The following PROS1 variants were observed in gnomAD, a reference collection of about 807,000 sequenced individuals.
PROS1 encodes the protein protein S, also known as vitamin K-dependent protein S.
In PROS1, 29 loss-of-function variants were observed where a neutral mutation model predicts 75.9. The ratio of observed to expected loss-of-function variants is 0.38; its 90% CI spans 0.28 to 0.52. PROS1 has a LOEUF of 0.52. Ranked by LOEUF, PROS1 falls within the 20% of genes least tolerant of loss-of-function variation. The pLI is 0.83. For missense variants in PROS1, 680 were observed against 810.3 expected (o/e 0.84, Z 1.95); for synonymous variants, 245 against 280.6 (o/e 0.87, Z 1.27).
intron 1 of PROS1, among the ~76,000 whole-genome samples, chr3:93,956,806 G>T (rs1051760867): frequency 2.0e-5 from 3 of 152,020 alleles, no homozygotes; most frequent in Admixed American, 6.6e-5. Flanking sequence ...TACTATGCTT[G>T]CATTAACAAA....
rs1394545919 is a variant in PROS1 at position 93,873,120 on chromosome 3, T to C, written c.*1125A>G. The C allele has an allele frequency of 1.3e-5, 2 of 152,238 alleles. No homozygotes were observed. Among genetic ancestry groups the C allele is most frequent in the Non-Finnish European group, 2.9e-5 (2 of 68,046 alleles). 9.4% of individuals were successfully genotyped at this position (152,238 alleles called of 1,614,324 possible). On this transcript the variant is annotated 3_prime_UTR_variant, in exon 15 of 15. Coordinates refer to ENST00000394236, the MANE Select transcript of PROS1 (RefSeq NM_000313.4). ...GATATTCACATGCATTTTAAAATTA[T>C]ACACCGATTTATTATAAGTGATATA...
At position 93,878,696 on chromosome 3, in the gene PROS1, AACTT is replaced by A. The variant is rs1708227663; in HGVS notation, c.1644+463_1644+466del. Among the ~76,000 whole-genome samples, 4 of 152,320 alleles carry A rather than the reference AACTT, an allele frequency of 2.6e-5. 1 individual carries two copies. The South Asian group carries it at 8.3e-4, about 32-fold the overall frequency. Reference sequence around the variant, plus strand: ...GTTTTAACTTTCTCTCTTTTTTCCTAACTTACTCTTGGGAGAAAAGATTAAGAGT... The same window carrying A: ...GTTTTAACTTTCTCTCTTTTTTCCTAACTCTTGGGAGAAAAGATTAAGAGT... On this transcript the variant is annotated intron_variant, in intron 13 of 14. Transcript: ENST00000394236.
At chr3:93,903,356 T>A (rs749547641) in intron 6 of PROS1, among the ~76,000 whole-genome samples, 2 of 152,166 alleles carry the variant, frequency 1.3e-5, no homozygotes, top group South Asian at 2.1e-4. Context: ...TTAAATACTT[T>A]TTAATTTTTA....
chr3:93,973,416 A>C (rs1414884396), intron 1 of PROS1: 4 of 461,824 alleles, frequency 8.7e-6, no homozygotes, highest in Non-Finnish European at 1.6e-5. Context: ...TCATCCCTCC[A>C]TTGATACTTA....
intron 10 of PROS1, among the ~76,000 whole-genome samples, chr3:93,888,166 G>C (rs1363917593): frequency 1.3e-5 from 2 of 152,074 alleles, no homozygotes; most frequent in East Asian, 3.8e-4. Context: ...TGACAACTAA[G>C]GATAGATTGA....
chr3:93,961,575 G>A (rs565317685), intron 1 of PROS1, among the ~76,000 whole-genome samples: 2 of 152,176 alleles, frequency 1.3e-5, no homozygotes, highest in African/African-American at 4.8e-5. Flanking sequence ...GAGATTCTGA[G>A]CAACTTAACT....
Position 93,973,803 on chromosome 3 carries a change from G to C in PROS1, c.-54C>G, listed in dbSNP as rs1709930663. On this transcript the variant is annotated 5_prime_UTR_variant, in exon 1 of 15. Transcript: ENST00000394236. ...ACGGTGGCGCGTCGCGGCGGGGACC[G>C]GAGCGCTAGGCGCCGCGGAGCTGCG... 1.2e-5 allele frequency: 18 copies of C among 1,493,356 alleles called. No homozygotes were observed. The highest frequency in any genetic ancestry group is 7.1e-5 in the South Asian group (6 of 84,450). The allele number at this position is 1,493,356 out of a possible 1,614,324, so 92.5% of individuals were successfully genotyped here.
In PROS1 at chr3:93,893,759, T is replaced by C. The variant is rs1708464710; in HGVS notation, c.966-637A>G. Among the ~76,000 whole-genome samples the C allele has an allele frequency of 2.0e-5, 3 of 152,186 alleles. No individual in the cohort carries two copies. The South Asian group carries it at 6.2e-4, about 32-fold the overall frequency. The stretch of plus-strand genomic sequence containing the variant: ...AATTTAAAAACTTAAAATATATCTA[T>C]TAGCTTTCCTAAAACTCCAGTTGCA... On this transcript the variant is annotated intron_variant, in intron 9 of 14. Coordinates refer to ENST00000394236, the MANE Select transcript of PROS1 (RefSeq NM_000313.4).
intron 7 of PROS1, among the ~76,000 whole-genome samples, chr3:93,899,013 G>A (rs1232445066): frequency 6.6e-6 from 1 of 151,862 alleles, no homozygotes; most frequent in East Asian, 1.9e-4. Context: ...GGAAAGGAAA[G>A]TTAGGGAAGG....
chr3:93,874,470 A>G (rs1708154840), intron 14 of PROS1, 65 bp from the exon 15 acceptor site: 1 of 1,587,446 alleles, frequency 6.3e-7, no homozygotes, highest in South Asian at 1.1e-5. Context: ...TTACAGTGAG[A>G]GAAGTCATTC....
At chr3:93,965,420 C>G (rs923042343) in intron 1 of PROS1, among the ~76,000 whole-genome samples, 1 of 152,226 alleles carries the variant, frequency 6.6e-6, no homozygotes, top group African/African-American at 2.4e-5. Flanking sequence ...TCCTGCATGG[C>G]TAAGTGCCCG....
intron 3 of PROS1, among the ~76,000 whole-genome samples, chr3:93,923,406 T>A (rs1300875784): frequency 1.3e-5 from 2 of 152,180 alleles, no homozygotes; most frequent in Non-Finnish European, 2.9e-5. Context: ...ACTGTTTTTT[T>A]AATGTACACA....
chr3:93,973,809 C>T lies in PROS1; in HGVS notation c.-60G>A. On this transcript the variant is annotated 5_prime_UTR_variant, in exon 1 of 15. Coordinates refer to ENST00000394236, the MANE Select transcript of PROS1 (RefSeq NM_000313.4). ...GCGCGTCGCGGCGGGGACCGGAGCG[C>T]TAGGCGCCGCGGAGCTGCGAGCCTG... is the stretch of plus-strand genomic sequence containing the variant. The T allele has an allele frequency of 2.1e-6, 3 of 1,456,826 alleles. No homozygotes were observed. The highest frequency in any genetic ancestry group is 2.8e-6 in the Non-Finnish European group (3 of 1,067,204). 90.2% of individuals were successfully genotyped at this position (1,456,826 alleles called of 1,614,324 possible). A position where few individuals can be genotyped will look rare whatever the true frequency, so the allele number is the denominator to read the frequency against.
In PROS1 at chr3:93,973,842, C is replaced by A. The variant is rs1032420361; in HGVS notation, c.-93G>T. The A allele has an allele frequency of 8.2e-6, 9 of 1,101,790 alleles. No homozygotes were observed. The highest frequency in any genetic ancestry group is 3.1e-5 in the East Asian group (1 of 32,366). The allele number at this position is 1,101,790 out of a possible 1,614,324, so 68.3% of individuals were successfully genotyped here. A position where few individuals can be genotyped will look rare whatever the true frequency, so the allele number is the denominator to read the frequency against. On this transcript the variant is annotated 5_prime_UTR_variant, in exon 1 of 15. Transcript: ENST00000394236. ...CGCGGAGCTGCGAGCCTGTGCGCCT[C>A]GGTCTGAGCCGTGCTGCGCGGCGGC...
intron 1 of PROS1, among the ~76,000 whole-genome samples, chr3:93,941,576 C>CTACATGATCTAGATA (rs1559945775): frequency 6.6e-6 from 1 of 152,188 alleles, no homozygotes; most frequent in African/African-American, 2.4e-5. Context: ...CTCCTCTTTC[C>CTACATGATCTAGATA]GTTCCTTGAA....
chr3:93,946,544 A>C (rs1230764545), intron 1 of PROS1, among the ~76,000 whole-genome samples: 1 of 152,196 alleles, frequency 6.6e-6, no homozygotes, highest in Non-Finnish European at 1.5e-5. Flanking sequence ...TGACAAAAAC[A>C]AGAAATGGGG....
intron 2 of PROS1, among the ~76,000 whole-genome samples, chr3:93,925,174 T>C (rs1201015159): frequency 6.6e-6 from 1 of 152,176 alleles, no homozygotes; most frequent in African/African-American, 2.4e-5. Context: ...ACAAAAGCAT[T>C]CTTAAGCCAT....
intron 1 of PROS1, among the ~76,000 whole-genome samples, chr3:93,971,733 G>C (rs533948143): frequency 7.6e-4 from 115 of 152,014 alleles, no homozygotes; most frequent in African/African-American, 2.7e-3. Context: ...GAGCTCGGGA[G>C]GGGGAGGTTG....
intron 1 of PROS1, among the ~76,000 whole-genome samples, chr3:93,943,450 C>G: frequency 6.6e-6 from 1 of 152,176 alleles, no homozygotes; most frequent in Admixed American, 6.5e-5. Context: ...ACCAACCATT[C>G]TATACAACCA....
Sources: allele counts gnomAD v4.1 joint callset (sites outside exome capture counted in the v4.1 genomes callset), GRCh38; gene constraint gnomAD v4.1.1; transcripts MANE v1.5; gene names NCBI Gene and HGNC (gene_info 2026-07-23, HGNC 2026-07-21).